SEMA3D: variants seen among roughly 807,000 people sequenced by gnomAD.
SEMA3D encodes the protein semaphorin-3D.
SEMA3D carries 84 observed loss-of-function variants against 100.1 expected under a neutral mutation model. That is an observed-to-expected ratio of 0.84 (90% CI 0.70 to 1.01). The LOEUF (loss-of-function observed/expected upper bound fraction) is 1.01, where lower values mean the gene tolerates loss of function less well. SEMA3D is among the 50% of genes least tolerant of loss of function. The probability of loss-of-function intolerance (pLI) is 0.00; values close to 1 mark genes in which losing one functional copy is unlikely to be tolerated. For missense variants in SEMA3D, 875 were observed against 934.1 expected (o/e 0.94, Z 0.82); for synonymous variants, 312 against 320.7 (o/e 0.97, Z 0.29).
chr7:85,178,812 G>A (rs2116568979), intron 1 of SEMA3D, among the ~76,000 whole-genome samples: 1 of 152,284 alleles, frequency 6.6e-6, no homozygotes, highest in African/African-American at 2.4e-5. Flanking sequence ...TCCTGTCACA[G>A]GCCTGGAGGC....
chr7:85,009,758 C>T (rs1269007547), intron 17 of SEMA3D, among the ~76,000 whole-genome samples: 2 of 151,772 alleles, frequency 1.3e-5, no homozygotes, highest in African/African-American at 4.8e-5. Flanking sequence ...CTAACTTTCT[C>T]CTGAAGGTAT....
At chr7:85,227,020 AGCAGT>A in the SEMA3D span, among the ~76,000 whole-genome samples, 1 of 152,184 alleles carries the variant, frequency 6.6e-6, no homozygotes, top group Non-Finnish European at 1.5e-5. Flanking sequence ...GAATTGTAAA[AGCAGT>A]AATTGAGATC....
chr7:85,144,357 T>A (rs1790139450), intron 2 of SEMA3D: 1 of 510,374 alleles, frequency 2.0e-6, no homozygotes, highest in South Asian at 8.6e-5. Context: ...TTATTAAATT[T>A]AAATTAATTA....
intron 1 of SEMA3D, among the ~76,000 whole-genome samples, chr7:85,155,324 T>G (rs912255303): frequency 6.6e-6 from 1 of 152,218 alleles, no homozygotes; most frequent in Non-Finnish European, 1.5e-5. Context: ...TAAAAATATA[T>G]AACTAAATAG....
chr7:85,019,023 A>G (rs946870804), intron 14 of SEMA3D, among the ~76,000 whole-genome samples: 1 of 151,862 alleles, frequency 6.6e-6, no homozygotes, highest in East Asian at 2.0e-4. Context: ...ATATGAAAAA[A>G]AATTTCAGTG....
chr7:85,227,894 C>T, the SEMA3D span, among the ~76,000 whole-genome samples: 34 of 152,044 alleles, frequency 2.2e-4, no homozygotes, highest in African/African-American at 4.3e-4. Flanking sequence ...TTTTCCATGG[C>T]GAATCACAAT....
intron 3 of SEMA3D, among the ~76,000 whole-genome samples, chr7:85,108,810 A>G (rs1015311420): frequency 1.3e-5 from 2 of 151,976 alleles, no homozygotes; most frequent in Non-Finnish European, 1.5e-5. Flanking sequence ...ATCTCTAACT[A>G]GCTTATTCCT....
At chr7:85,000,500 G>A (rs1055860281) in intron 18 of SEMA3D, among the ~76,000 whole-genome samples, 8 of 152,166 alleles carry the variant, frequency 5.3e-5, no homozygotes, top group Non-Finnish European at 1.2e-4. Flanking sequence ...CTGTAATTGA[G>A]TAGGACCCTA....
intron 1 of SEMA3D, among the ~76,000 whole-genome samples, chr7:85,171,889 T>C (rs1037710592): frequency 1.3e-5 from 2 of 151,828 alleles, no homozygotes; most frequent in African/African-American, 4.8e-5. Flanking sequence ...CTTGATTTGC[T>C]CTAACAAAAT....
intron 12 of SEMA3D, among the ~76,000 whole-genome samples, chr7:85,026,671 G>A (rs757474325): frequency 6.6e-6 from 1 of 152,000 alleles, no homozygotes; most frequent in Non-Finnish European, 1.5e-5. Context: ...ATGTTTGAAA[G>A]TCAACTATAA....
At chr7:85,087,739 G>A (rs1317816116) in intron 4 of SEMA3D, among the ~76,000 whole-genome samples, 1 of 152,132 alleles carries the variant, frequency 6.6e-6, no homozygotes, top group South Asian at 2.1e-4. Context: ...ACCCATATTA[G>A]TATATTTATG....
intron 1 of SEMA3D, chr7:85,167,410 A>G: frequency 1.0e-6 from 1 of 982,790 alleles, no homozygotes; most frequent in East Asian, 1.1e-4. Context: ...GTTGTGTTAT[A>G]AATTTTCACC....
the SEMA3D span, among the ~76,000 whole-genome samples, chr7:85,219,770 C>T: frequency 6.6e-6 from 1 of 151,992 alleles, no homozygotes; most frequent in Non-Finnish European, 1.5e-5. Flanking sequence ...TAAAATTATA[C>T]ACGCAAAGTA....
chr7:85,174,345 T>C (rs997550356), intron 1 of SEMA3D, among the ~76,000 whole-genome samples: 1 of 151,904 alleles, frequency 6.6e-6, no homozygotes, highest in African/African-American at 2.4e-5. Flanking sequence ...TAAATACTCA[T>C]TAAAGAAAAG....
the SEMA3D span, among the ~76,000 whole-genome samples, chr7:85,239,814 A>G: frequency 6.6e-6 from 1 of 152,106 alleles, no homozygotes. Context: ...TTAATTTCAA[A>G]TTCCACTTTC....
intron 4 of SEMA3D, among the ~76,000 whole-genome samples, chr7:85,082,301 A>G (rs1330749905): frequency 1.3e-5 from 2 of 152,218 alleles, no homozygotes; most frequent in Non-Finnish European, 2.9e-5. Context: ...AAGGGCTCCA[A>G]ACTCATTGGT....
At position 84,998,519 on chromosome 7, in the gene SEMA3D, C is replaced by T. The variant is rs1480692528; in HGVS notation, c.*921G>A. 1 of 152,080 alleles carries T rather than the reference C, an allele frequency of 6.6e-6. No individual in the cohort carries two copies. The highest frequency in any genetic ancestry group is 1.9e-4 in the East Asian group (1 of 5,194). The allele number at this position is 152,080 out of a possible 1,614,324, so 9.4% of individuals were successfully genotyped here. A position where few individuals can be genotyped will look rare whatever the true frequency, so the allele number is the denominator to read the frequency against. ...AAAGAGCTCCATTACATTACTCTCA[C>T]TTTATTTGTGATTGTTCTTCCTTTT... On this transcript the variant is annotated 3_prime_UTR_variant, in exon 19 of 19. Coordinates refer to ENST00000284136, the MANE Select transcript of SEMA3D (RefSeq NM_001384900.1).
At chr7:85,185,018 T>G (rs1158564207) in intron 1 of SEMA3D, among the ~76,000 whole-genome samples, 1 of 151,992 alleles carries the variant, frequency 6.6e-6, no homozygotes, top group Non-Finnish European at 1.5e-5. Context: ...AGTGATGACA[T>G]GTGTGTCTTC....
chr7:85,212,640 A>C, the SEMA3D span, among the ~76,000 whole-genome samples: 1 of 152,010 alleles, frequency 6.6e-6, no homozygotes, highest in African/African-American at 2.4e-5. Flanking sequence ...TAATATTAAA[A>C]TTTTATAATG....
Sources: allele counts gnomAD v4.1 joint callset (sites outside exome capture counted in the v4.1 genomes callset), GRCh38; gene constraint gnomAD v4.1.1; transcripts MANE v1.5; gene names NCBI Gene and HGNC (gene_info 2026-07-23, HGNC 2026-07-21).